The following STMN3 variants were observed in gnomAD, a reference collection of about 807,000 sequenced individuals.
STMN3 encodes stathmin 3.
Under a neutral mutation model 23.2 loss-of-function variants are expected in STMN3, and 24 were observed. That is an observed-to-expected ratio of 1.03 (90% CI 0.75 to 1.45). The LOEUF is 1.45. STMN3 is among the 40% of genes most tolerant of loss of function. The probability of loss-of-function intolerance (pLI) is 0.00; values close to 1 mark genes in which losing one functional copy is unlikely to be tolerated. For synonymous variants in STMN3, 117 were observed against 103.4 expected (o/e 1.13, Z -0.80); for missense variants, 235 against 237.6 (o/e 0.99, Z 0.07).
chr20:63,641,372 C>T lies in STMN3; in HGVS notation c.509G>A (p.Arg170Lys). 1 of 1,569,812 alleles carries T rather than the reference C, an allele frequency of 6.4e-7. No homozygotes were observed. Among genetic ancestry groups the T allele is most frequent in the Non-Finnish European group, 8.6e-7 (1 of 1,158,338 alleles). Residue 170 changes from arginine to lysine, a missense_variant, in exon 5 of 5, where the codon AGG becomes AAG. Physicochemically the swap from Arg to Lys is conservative, Grantham distance 26 (BLOSUM62 2). Transcript: ENST00000370053. ...EKELHAAEVRRNKEQREEMSG is the reference protein window; with the variant it reads ...EKELHAAEVRKNKEQREEMSG The stretch of plus-strand genomic sequence containing the variant: ...CATCTCTTCTCGCTGCTCCTTGTTC[C>T]TGCGCACCTCGGCCGCGTGCAGCTC...
intron 1 of STMN3, among the ~76,000 whole-genome samples, chr20:63,647,541 A>G (rs1349937966): frequency 1.3e-5 from 2 of 149,108 alleles, no homozygotes; most frequent in Non-Finnish European, 3.0e-5. Flanking sequence ...GCTTGAACCC[A>G]GGAGGCAGAG....
At position 63,652,687 on chromosome 20, in the gene STMN3, G is replaced by A. The variant is rs908182207; in HGVS notation, c.19+640C>T. 3 of 985,864 alleles carry A rather than the reference G, an allele frequency of 3.0e-6. No individual in the cohort carries two copies. Among genetic ancestry groups the A allele is most frequent in the Non-Finnish European group, 3.6e-6 (3 of 830,276 alleles). 61.1% of individuals were successfully genotyped at this position (985,864 alleles called of 1,614,324 possible). ...GCCCCTCCCCCATCCAGACCCCGCG[G>A]CGCAAAGGGCAGTGGCTTTTCTGGC... On this transcript the variant is annotated intron_variant, in intron 1 of 4. Transcript: ENST00000370053. This position sits in a 1 kb window ranked among gnomAD's most constrained non-coding sequence, Gnocchi z 5.3.
intron 1 of STMN3, among the ~76,000 whole-genome samples, chr20:63,647,946 G>GTATA (rs1569070224): frequency 4.8e-5 from 4 of 83,230 alleles, no homozygotes; most frequent in African/African-American, 2.0e-4. Flanking sequence ...ATGTGTGTGT[G>GTATA]TGTATATATA....
chr20:63,644,825 A>G (rs545903358), intron 1 of STMN3, among the ~76,000 whole-genome samples: 2 of 152,288 alleles, frequency 1.3e-5, no homozygotes, highest in Non-Finnish European at 2.9e-5. Context: ...CCACCCGTCT[A>G]TGTACCAGGA....
At chr20:63,645,602 C>T (rs1468375127) in intron 1 of STMN3, among the ~76,000 whole-genome samples, 1 of 152,206 alleles carries the variant, frequency 6.6e-6, no homozygotes, top group Non-Finnish European at 1.5e-5. Flanking sequence ...TTGGTCTATT[C>T]AGGGCGAACC....
In STMN3 at chr20:63,643,918, C is replaced by T. The variant is rs2089788857; in HGVS notation, c.129G>A (p.Lys43=). ...TVYQYGDMEV[K]QLDKRASGQS... ...GGCCTGAGGCCCGCTTGTCCAGCTG[C>T]TTCACCTCCATGTCTGCAGGGCAAG... Residue 43 remains lysine (K), a synonymous_variant, in exon 3 of 5, where the codon AAG becomes AAA. Transcript: ENST00000370053. 1 of 1,598,416 alleles carries T rather than the reference C, an allele frequency of 6.3e-7. No individual in the cohort carries two copies. The highest frequency in any genetic ancestry group is 8.5e-7 in the Non-Finnish European group (1 of 1,176,078).
chr20:63,647,285 G>A (rs1264044205), intron 1 of STMN3, among the ~76,000 whole-genome samples: 4 of 143,072 alleles, frequency 2.8e-5, no homozygotes, highest in Non-Finnish European at 4.5e-5. Context: ...TCCAGCCTGG[G>A]AGCAAGACTC....
Position 63,652,798 on chromosome 20 carries a change from C to T in STMN3, c.19+529G>A. ...AGGGCGCGGTCCCCCTCACTCCGGG[C>T]TCCGCCGTGTCTGGCCCGCCCCCCT... On this transcript the variant is annotated intron_variant, in intron 1 of 4. Transcript: ENST00000370053. The surrounding 1 kb of genome is among the most constrained non-coding windows in gnomAD (Gnocchi z 5.3). The T allele has an allele frequency of 1.0e-6, 1 of 985,278 alleles. No homozygotes were observed. The highest frequency in any genetic ancestry group is 1.2e-6 in the Non-Finnish European group (1 of 829,764). 61.0% of individuals were successfully genotyped at this position (985,278 alleles called of 1,614,324 possible).
At position 63,644,266 on chromosome 20, in the gene STMN3, G is replaced by A. The variant is rs1470626984; in HGVS notation, c.63C>T (p.Ile21=). Residue 21 remains isoleucine (I), a synonymous_variant, in exon 2 of 5, where the codon ATC becomes ATT. Coordinates refer to ENST00000370053, the MANE Select transcript of STMN3 (RefSeq NM_015894.4). The stretch of plus-strand genomic sequence containing the variant: ...GCGGCTGTGTGTAGAAGCAGGAGCA[G>A]ATGAGCGACAGCACCGACAGCTCCT... The part of the protein sequence containing the change: ...KMKELSVLSL[I]CSCFYTQPHP... The A allele has an allele frequency of 3.7e-6, 6 of 1,613,702 alleles. No individual in the cohort carries two copies. The highest frequency in any genetic ancestry group is 2.2e-5 in the South Asian group (2 of 91,072).
Position 63,642,213 on chromosome 20 carries a change from G to A in STMN3, c.378C>T (p.Asn126=). Residue 126 remains asparagine, a synonymous_variant, in exon 4 of 5, where the codon AAC becomes AAT. Transcript: ENST00000370053. ...TCTCCTCCGCCTGGCGGCTGAAGTT[G>A]TTATTCTCCTCCAGCGCCTTGTGCA... The part of the protein sequence containing the change: ...EVLHKALEEN[N]NFSRQAEEKL... 6.4e-7 allele frequency: 1 copy of A among 1,563,424 alleles called. No homozygotes were observed. Among genetic ancestry groups the A allele is most frequent in the Non-Finnish European group, 8.6e-7 (1 of 1,156,968 alleles).
At chr20:63,650,680 G>A (rs1376493123) in intron 1 of STMN3, among the ~76,000 whole-genome samples, 2 of 83,938 alleles carry the variant, frequency 2.4e-5, no homozygotes, top group Admixed American at 1.3e-4. Flanking sequence ...GATGGTGCCC[G>A]CTCCCAGGGT....
In STMN3 at chr20:63,643,088, C is replaced by T. The variant is rs112541393; in HGVS notation, c.291+668G>A. On this transcript the variant is annotated intron_variant, in intron 3 of 4. Transcript: ENST00000370053. ...TCCAGCAAGCCTCAGGGTCTTCACA[C>T]ATGAGGCCCTTCCTCCAGCTTCCCT... Among the ~76,000 whole-genome samples, 565 of 152,268 alleles carry T rather than the reference C, an allele frequency of 3.7e-3. 3 individuals carry two copies. Among genetic ancestry groups the T allele is most frequent in the African/African-American group, 0.013 (548 of 41,546 alleles).
intron 2 of STMN3, 114 bp downstream of exon 2, chr20:63,644,100 C>T (rs1452836247): frequency 1.5e-6 from 2 of 1,329,084 alleles, no homozygotes; most frequent in Non-Finnish European, 2.1e-6. Context: ...CCCCCTAGAA[C>T]CTCCCTCTCC....
At chr20:63,647,699 AAT>A (rs1158774174) in intron 1 of STMN3, among the ~76,000 whole-genome samples, 11 of 129,502 alleles carry the variant, frequency 8.5e-5, no homozygotes, top group East Asian at 8.1e-4. Context: ...GTATATATAT[AAT>A]ATATATACAC....
At chr20:63,644,070 G>A (rs994205499) in intron 2 of STMN3, 139 bp from the exon 3 acceptor site, 1 of 1,370,570 alleles carries the variant, frequency 7.3e-7, no homozygotes, top group Admixed American at 2.3e-5. Context: ...CCAGGCTTCA[G>A]CCCCCAGGAT....
chr20:63,644,433 CTT>C, intron 1 of STMN3, 124 bp from the exon 2 acceptor site: 3 of 701,306 alleles, frequency 4.3e-6, no homozygotes, highest in East Asian at 2.7e-5. Flanking sequence ...AGCACGCTCT[CTT>C]GTGTGTCTCC....
intron 1 of STMN3, among the ~76,000 whole-genome samples, chr20:63,647,960 G>GTATATATATA (rs1242712476): frequency 5.6e-5 from 3 of 53,352 alleles, no homozygotes; most frequent in African/African-American, 3.1e-4. Flanking sequence ...ATATATATAT[G>GTATATATATA]TATATATATA....
chr20:63,647,948 G>GTGTGTGTATATATA (rs1320052757), intron 1 of STMN3, among the ~76,000 whole-genome samples: 9 of 63,826 alleles, frequency 1.4e-4, no homozygotes, highest in Non-Finnish European at 2.4e-4. Flanking sequence ...GTGTGTGTGT[G>GTGTGTGTATATATA]TATATATATA....
In STMN3 at chr20:63,646,605, G is replaced by A. The variant is rs370608276; in HGVS notation, c.20-2296C>T. On this transcript the variant is annotated intron_variant, in intron 1 of 4. Transcript: ENST00000370053. Reference sequence around the variant, plus strand: ...CCTGACCTCGTGATCCGCCCGCCTCGACCTCCCAAAGTGCTGGGATTACAG... The same window carrying A: ...CCTGACCTCGTGATCCGCCCGCCTCAACCTCCCAAAGTGCTGGGATTACAG... Among the ~76,000 whole-genome samples the A allele has an allele frequency of 1.1e-4, 16 of 151,810 alleles. No individual in the cohort carries two copies. In the South Asian group the frequency reaches 2.7e-3, roughly 26 times the overall value.
Sources: gnomAD v4.1 joint callset for allele counts (sites outside exome capture counted in the v4.1 genomes callset) on GRCh38, gnomAD v4.1.1 for gene constraint, Gnocchi (gnomAD v3.1) non-coding constraint, MANE v1.5 for transcripts, NCBI Gene and HGNC (gene_info 2026-07-23, HGNC 2026-07-21) for gene names.